The following UACA variants were observed in gnomAD, a reference collection of about 807,000 sequenced individuals.
UACA encodes nuclear membrane binding protein.
A neutral mutation model predicts 160.5 loss-of-function variants in UACA; 112 were observed. The observed-to-expected ratio is 0.70, with a 90% CI of 0.60 to 0.82. The LOEUF (loss-of-function observed/expected upper bound fraction) is 0.82. Ranked by LOEUF, UACA falls within the 40% of genes least tolerant of loss-of-function variation. UACA has a pLI of 0.00. For missense variants in UACA, 1,574 were observed against 1,614.6 expected (o/e 0.97, Z 0.43); for synonymous variants, 557 against 568.4 (o/e 0.98, Z 0.29).
At chr15:70,698,389 T>C (rs933439265) in intron 2 of UACA, among the ~76,000 whole-genome samples, 2 of 152,210 alleles carry the variant, frequency 1.3e-5, no homozygotes, top group African/African-American at 4.8e-5. Context: ...CTTTTGGATA[T>C]TAAATTTTCA....
At chr15:70,749,576 G>A (rs1268529316) in intron 1 of UACA, among the ~76,000 whole-genome samples, 1 of 151,066 alleles carries the variant, frequency 6.6e-6, no homozygotes, top group Non-Finnish European at 1.5e-5. Context: ...GTGGGCACCT[G>A]TAGTCCCAGC....
chr15:70,746,006 C>G (rs1489839112), intron 1 of UACA, among the ~76,000 whole-genome samples: 1 of 152,056 alleles, frequency 6.6e-6, no homozygotes, highest in Non-Finnish European at 1.5e-5. Context: ...AAGATTTAAA[C>G]GTAAGACCTA....
At chr15:70,657,655 G>A (rs1896528133) in intron 18 of UACA, among the ~76,000 whole-genome samples, 1 of 152,088 alleles carries the variant, frequency 6.6e-6, no homozygotes, top group Non-Finnish European at 1.5e-5. Context: ...AAAACAAATG[G>A]ATAAACCTCC....
At chr15:70,689,693 T>C (rs1367703578) in intron 5 of UACA, among the ~76,000 whole-genome samples, 2 of 152,138 alleles carry the variant, frequency 1.3e-5, no homozygotes, top group Non-Finnish European at 2.9e-5. Flanking sequence ...GGCCTTATAG[T>C]TAAATGTAGG....
At chr15:70,691,696 G>A (rs1275810840) in intron 3 of UACA, among the ~76,000 whole-genome samples, 2 of 152,098 alleles carry the variant, frequency 1.3e-5, no homozygotes, top group Non-Finnish European at 2.9e-5. Flanking sequence ...AGGGAAAGGA[G>A]AGAAAGACAA....
Position 70,695,009 on chromosome 15 carries a change from A to G in UACA, c.301+8T>C. ...ATGTTTTATAATTAACTATGGAGGCAAACATACCTGCAGTGTCACTGGTTG... is the reference window on the plus strand; with the variant it reads ...ATGTTTTATAATTAACTATGGAGGCGAACATACCTGCAGTGTCACTGGTTG... On this transcript the variant is annotated splice_region_variant and intron_variant, in intron 3 of 18. Coordinates refer to ENST00000322954, the MANE Select transcript of UACA (RefSeq NM_018003.4). The G allele has an allele frequency of 6.2e-7, 1 of 1,600,474 alleles. No homozygotes were observed.
chr15:70,760,601 G>T (rs916192582), intron 1 of UACA, among the ~76,000 whole-genome samples: 2 of 152,082 alleles, frequency 1.3e-5, no homozygotes, highest in African/African-American at 4.8e-5. Context: ...AAGGTCAAGA[G>T]ATTGAGACCA....
At chr15:70,729,967 A>ACATCTACACCGAAAACC (rs1899273254) in intron 1 of UACA, among the ~76,000 whole-genome samples, 3 of 101,186 alleles carry the variant, frequency 3.0e-5, no homozygotes, top group African/African-American at 1.6e-4. Flanking sequence ...ACCAGAAAGG[A>ACATCTACACCGAAAACC]CATCTACACC....
At chr15:70,681,428 G>A (rs534742440) in intron 9 of UACA, 25 of 152,030 alleles carry the variant, frequency 1.6e-4, no homozygotes, top group African/African-American at 4.3e-4. Context: ...AATAAATGAC[G>A]GAAACACAGT....
Position 70,664,693 on chromosome 15 carries a change from T to C in UACA, c.4082A>G (p.His1361Arg). The C allele has an allele frequency of 6.2e-7, 1 of 1,613,484 alleles. No homozygotes were observed. ...CTGTTGCTCCAGAGATTTCACTTGG[T>C]GCTGCAGAGTGTCAATCAGCTGGCT... ...RQSQLIDTLQHQVKSLEQQLA... is the reference protein window; with the variant it reads ...RQSQLIDTLQRQVKSLEQQLA... Residue 1361 changes from histidine to arginine, a missense_variant, in exon 17 of 19, where the codon CAC becomes CGC. His to Arg is a conservative substitution (Grantham distance 29, BLOSUM62 0). Transcript: ENST00000322954.
chr15:70,748,737 C>T (rs1357031996), intron 1 of UACA, among the ~76,000 whole-genome samples: 1 of 152,112 alleles, frequency 6.6e-6, no homozygotes, highest in Non-Finnish European at 1.5e-5. Flanking sequence ...CGATTTCATA[C>T]ACTGTCCTGC....
intron 2 of UACA, among the ~76,000 whole-genome samples, chr15:70,698,425 T>C (rs1000937086): frequency 5.3e-5 from 8 of 152,222 alleles, no homozygotes; most frequent in Non-Finnish European, 1.2e-4. Context: ...GCCCTATAAA[T>C]AGCTTAAAAT....
At chr15:70,741,740 G>C (rs1051872250) in intron 1 of UACA, among the ~76,000 whole-genome samples, 1 of 152,144 alleles carries the variant, frequency 6.6e-6, no homozygotes, top group African/African-American at 2.4e-5. Context: ...GTCAGTTCAT[G>C]CAAAAATGAC....
intron 1 of UACA, among the ~76,000 whole-genome samples, chr15:70,730,146 G>A (rs2140995751): frequency 1.8e-4 from 1 of 5,656 alleles, no homozygotes. Flanking sequence ...GATGGAGAAT[G>A]ATTTTGACGA....
intron 1 of UACA, among the ~76,000 whole-genome samples, chr15:70,708,385 G>T (rs992408920): frequency 6.6e-6 from 1 of 151,934 alleles, no homozygotes; most frequent in Non-Finnish European, 1.5e-5. Context: ...AATTTAAAAT[G>T]GTTGACAGTA....
intron 2 of UACA, among the ~76,000 whole-genome samples, chr15:70,698,103 G>A (rs1051719274): frequency 3.3e-5 from 5 of 151,978 alleles, no homozygotes; most frequent in Non-Finnish European, 5.9e-5. Flanking sequence ...AAAACTTCAA[G>A]ACTAACACTC....
At chr15:70,747,679 A>C (rs1899753214) in intron 1 of UACA, among the ~76,000 whole-genome samples, 1 of 152,184 alleles carries the variant, frequency 6.6e-6, no homozygotes, top group Non-Finnish European at 1.5e-5. Flanking sequence ...TATTGAGATA[A>C]AGTGATTAGA....
At chr15:70,724,930 A>G (rs560711991) in intron 1 of UACA, among the ~76,000 whole-genome samples, 1 of 152,156 alleles carries the variant, frequency 6.6e-6, no homozygotes, top group South Asian at 2.1e-4. Context: ...AAAAAAAAAA[A>G]AAAAAATTTA....
intron 1 of UACA, chr15:70,749,107 T>A: frequency 3.9e-6 from 1 of 255,724 alleles, no homozygotes; most frequent in Non-Finnish European, 8.1e-6. Flanking sequence ...GCTTTTATTA[T>A]ACATATATAG....
Sources: allele counts gnomAD v4.1 joint callset (sites outside exome capture counted in the v4.1 genomes callset), GRCh38; gene constraint gnomAD v4.1.1; transcripts MANE v1.5; gene names NCBI Gene and HGNC (gene_info 2026-07-23, HGNC 2026-07-21).